The following NRXN3 variants were observed in gnomAD, a reference collection of about 807,000 sequenced individuals.
NRXN3 encodes neurexin 3, also known as neurexin III.
A neutral mutation model predicts 137.6 loss-of-function variants in NRXN3; 32 were observed. That is an observed-to-expected ratio of 0.23 (90% confidence interval 0.18 to 0.31). The LOEUF (loss-of-function observed/expected upper bound fraction) is 0.31. Ranked by LOEUF, NRXN3 falls within the 10% of genes least tolerant of loss-of-function variation. The pLI is 1.00. For missense variants in NRXN3, 1,574 were observed against 2,062.5 expected (o/e 0.76, Z 4.59); for synonymous variants, 798 against 784.5 (o/e 1.02, Z -0.29).
At chr14:78,898,811 G>A (rs1472286127) in intron 10 of NRXN3, among the ~76,000 whole-genome samples, 1 of 151,696 alleles carries the variant, frequency 6.6e-6, no homozygotes, top group Non-Finnish European at 1.5e-5. Flanking sequence ...AGAGTTTTAG[G>A]GAACATCTTG....
chr14:78,950,013 G>C (rs2099384075), intron 10 of NRXN3, among the ~76,000 whole-genome samples: 1 of 152,136 alleles, frequency 6.6e-6, no homozygotes, highest in Admixed American at 6.5e-5. Context: ...TGACTTTAGT[G>C]ATAAACAGTA....
Position 78,822,252 on chromosome 14 carries a change from A to G in NRXN3, c.2275+11908A>G, listed in dbSNP as rs185122311. ...ACTTGACAGGTGGCTACTAATTATTATAGTAAAAACAATAGCATTGAGTGA... is the reference window on the plus strand; with the variant it reads ...ACTTGACAGGTGGCTACTAATTATTGTAGTAAAAACAATAGCATTGAGTGA... On this transcript the variant is annotated intron_variant, in intron 10 of 20. Coordinates refer to ENST00000335750, the MANE Select transcript of NRXN3 (RefSeq NM_001330195.2). Among the ~76,000 whole-genome samples the G allele has an allele frequency of 9.1e-4, 139 of 152,332 alleles. 1 individual carries two copies. The highest frequency in any genetic ancestry group is 8.1e-4 in the Non-Finnish European group (55 of 68,034).
At chr14:79,150,401 G>A (rs951251005) in intron 15 of NRXN3, among the ~76,000 whole-genome samples, 5 of 151,882 alleles carry the variant, frequency 3.3e-5, no homozygotes, top group African/African-American at 1.2e-4. Context: ...TGTCATATGT[G>A]TGTGGGGTGG....
intron 16 of NRXN3, among the ~76,000 whole-genome samples, chr14:79,626,931 C>T (rs1355173340): frequency 6.6e-6 from 1 of 152,092 alleles, no homozygotes; most frequent in Non-Finnish European, 1.5e-5. Context: ...ATTGGACTGG[C>T]CCATTATCAG....
chr14:79,399,698 G>A (rs967177864), intron 15 of NRXN3, among the ~76,000 whole-genome samples: 1 of 152,204 alleles, frequency 6.6e-6, no homozygotes, highest in Non-Finnish European at 1.5e-5. Flanking sequence ...TATGGCAGAT[G>A]TAAGTTTATA....
chr14:79,318,107 C>T (rs1170166391), intron 15 of NRXN3, among the ~76,000 whole-genome samples: 1 of 152,166 alleles, frequency 6.6e-6, no homozygotes, highest in East Asian at 1.9e-4. Context: ...TATCTTCTTT[C>T]AGGAGGCTTT....
At chr14:78,410,910 T>C (rs992400509) in intron 4 of NRXN3, among the ~76,000 whole-genome samples, 2 of 152,182 alleles carry the variant, frequency 1.3e-5, no homozygotes, top group Non-Finnish European at 2.9e-5. Flanking sequence ...TTGTCAGTGA[T>C]TTCTTCCCTT....
chr14:79,779,305 G>A (rs1245085357), intron 19 of NRXN3, among the ~76,000 whole-genome samples: 1 of 152,124 alleles, frequency 6.6e-6, no homozygotes, highest in Admixed American at 6.5e-5. Flanking sequence ...TAGAGACAGG[G>A]TTTCTCCATG....
chr14:78,270,452 T>A (rs778071404), intron 2 of NRXN3, among the ~76,000 whole-genome samples: 4 of 152,216 alleles, frequency 2.6e-5, no homozygotes, highest in Admixed American at 1.3e-4. Flanking sequence ...GCATCCTGTT[T>A]CCTGGCAGTG....
At chr14:78,295,942 A>C (rs892299533) in intron 3 of NRXN3, among the ~76,000 whole-genome samples, 5 of 152,046 alleles carry the variant, frequency 3.3e-5, no homozygotes, top group Admixed American at 3.3e-4. Context: ...TGCAGCTGCC[A>C]AACATCTTTA....
At chr14:79,730,720 A>G (rs1014652660) in intron 19 of NRXN3, among the ~76,000 whole-genome samples, 2 of 152,204 alleles carry the variant, frequency 1.3e-5, no homozygotes, top group African/African-American at 2.4e-5. Context: ...AGTTATTTAT[A>G]TAGTTAGAAT....
rs1555518483 is a variant in NRXN3 at position 78,419,949 on chromosome 14, G to GCA, written c.757+122090_757+122091insAC. Among the ~76,000 whole-genome samples the GCA allele has an allele frequency of 8.1e-4, 4 of 4,938 alleles. No homozygotes were observed. The East Asian group carries it at 0.019, about 23-fold the overall frequency. The allele number at this position is 4,938 out of a possible 152,430, so 3.2% of individuals were successfully genotyped here. ...TATATCTGTGTGCACGTGTGTGCGC[G>GCA]CGCGCGCGCACGCACACACACACAC... is the stretch of plus-strand genomic sequence containing the variant. On this transcript the variant is annotated intron_variant, in intron 4 of 20. Transcript: ENST00000335750.
chr14:78,793,924 C>T (rs1472924013), intron 8 of NRXN3, among the ~76,000 whole-genome samples: 2 of 152,066 alleles, frequency 1.3e-5, no homozygotes, highest in African/African-American at 2.4e-5. Context: ...TGGGAGTGCA[C>T]AGTTTGAACA....
chr14:79,403,528 A>G (rs1477752715), intron 15 of NRXN3, among the ~76,000 whole-genome samples: 1 of 152,204 alleles, frequency 6.6e-6, no homozygotes, highest in Non-Finnish European at 1.5e-5. Flanking sequence ...TCTATTTCAA[A>G]ATAAGCTGCT....
At chr14:78,953,873 A>T (rs1473831904) in intron 10 of NRXN3, among the ~76,000 whole-genome samples, 1 of 152,244 alleles carries the variant, frequency 6.6e-6, no homozygotes, top group East Asian at 1.9e-4. Flanking sequence ...TTAAAAATGC[A>T]GGAAAGTTAA....
chr14:78,278,857 G>A (rs1353813085), intron 3 of NRXN3, among the ~76,000 whole-genome samples, 195 bp downstream of exon 3: 2 of 152,202 alleles, frequency 1.3e-5, no homozygotes, highest in East Asian at 3.8e-4. Flanking sequence ...AAAGCCAAAG[G>A]AATATGGTTC....
chr14:78,335,083 C>G (rs1430897966), intron 4 of NRXN3, among the ~76,000 whole-genome samples: 1 of 152,128 alleles, frequency 6.6e-6, no homozygotes, highest in African/African-American at 2.4e-5. Flanking sequence ...TCTCTAGTTT[C>G]AAGCCCACCC....
At chr14:78,314,942 T>TCTTCCTTC (rs1174374621) in intron 4 of NRXN3, among the ~76,000 whole-genome samples, 34 of 60,644 alleles carry the variant, frequency 5.6e-4, no homozygotes, top group South Asian at 2.0e-3. Context: ...TTTCTTTCTT[T>TCTTCCTTC]CTTCCTTCCT....
chr14:79,656,331 G>A (rs2098505362), intron 16 of NRXN3, among the ~76,000 whole-genome samples: 1 of 152,120 alleles, frequency 6.6e-6, no homozygotes, highest in South Asian at 2.1e-4. Context: ...CTTGGCACAG[G>A]GCTGGGGCAC....
Sources: gnomAD v4.1 joint callset for allele counts (sites outside exome capture counted in the v4.1 genomes callset) on GRCh38, gnomAD v4.1.1 for gene constraint, MANE v1.5 for transcripts, NCBI Gene and HGNC (gene_info 2026-07-23, HGNC 2026-07-21) for gene names.